Variants in DMRT1 observed in about 807,000 individuals in gnomAD.
DMRT1 encodes the protein doublesex and mab-3 related transcription factor 1, also known as doublesex- and mab-3-related transcription factor 1.
In DMRT1, 7 loss-of-function variants were observed where a neutral mutation model predicts 32.3. The observed-to-expected ratio is 0.22, with a 90% confidence interval of 0.12 to 0.41. The LOEUF (loss-of-function observed/expected upper bound fraction) is 0.41, where lower values mean the gene tolerates loss of function less well. Ranked by LOEUF, DMRT1 falls within the 10% of genes least tolerant of loss-of-function variation. DMRT1 has a pLI of 1.00. For synonymous variants in DMRT1, 278 were observed against 206.1 expected (o/e 1.35, Z -2.99); for missense variants, 625 against 500.5 (o/e 1.25, Z -2.37).
chr9:853,277 T>C (rs1189870177), intron 2 of DMRT1, among the ~76,000 whole-genome samples: 1 of 152,144 alleles, frequency 6.6e-6, no homozygotes, highest in African/African-American at 2.4e-5. Context: ...GTAGTTTGCA[T>C]AGGGGTTTGC....
chr9:923,691 T>C (rs752000685), intron 4 of DMRT1, among the ~76,000 whole-genome samples: 2 of 152,200 alleles, frequency 1.3e-5, no homozygotes, highest in Non-Finnish European at 2.9e-5. Flanking sequence ...CTCAGAGGGC[T>C]GCGTTTGTTA....
Position 968,106 on chromosome 9 carries a change from C to G in DMRT1, c.1089C>G (p.Phe363Leu). Reference sequence around the variant, plus strand: ...AGCCTGCGTCGGAGCCCAGCAGCTTCACAGTCACTCCCGTCATCGAGGAGG... The same window carrying G: ...AGCCTGCGTCGGAGCCCAGCAGCTTGACAGTCACTCCCGTCATCGAGGAGG... ...ECEPASEPSS[F>L]TVTPVIEEDE Residue 363 changes from phenylalanine (F) to leucine (L), a missense_variant, in exon 5 of 5, where the codon TTC (phenylalanine) becomes TTG (leucine). Physicochemically the swap from Phe to Leu is conservative, Grantham distance 22. Coordinates refer to ENST00000382276, the MANE Select transcript of DMRT1 (RefSeq NM_021951.3). 6 of 1,614,164 alleles carry G rather than the reference C, an allele frequency of 3.7e-6. No homozygotes were observed. Among genetic ancestry groups the G allele is most frequent in the Non-Finnish European group, 5.1e-6 (6 of 1,180,048 alleles).
chr9:896,264 ATT>A (rs111767163), intron 3 of DMRT1, among the ~76,000 whole-genome samples: 1 of 123,556 alleles, frequency 8.1e-6, no homozygotes, highest in African/African-American at 3.0e-5. Flanking sequence ...TTAAACTGAG[ATT>A]TTTTTTTTCT....
intron 2 of DMRT1, among the ~76,000 whole-genome samples, chr9:852,010 G>T (rs2132554523): frequency 1.3e-5 from 2 of 150,984 alleles, no homozygotes; most frequent in African/African-American, 4.9e-5. Flanking sequence ...CGCGATCCCA[G>T]CTCACTGCAA....
chr9:900,382 T>G (rs997013091), intron 3 of DMRT1, among the ~76,000 whole-genome samples: 2 of 152,154 alleles, frequency 1.3e-5, no homozygotes, highest in African/African-American at 2.4e-5. Flanking sequence ...CCCCCCTTTT[T>G]TTGTTGTTTT....
chr9:909,135 C>A (rs970933794), intron 3 of DMRT1, among the ~76,000 whole-genome samples: 1 of 152,034 alleles, frequency 6.6e-6, no homozygotes, highest in East Asian at 1.9e-4. Flanking sequence ...AAGGTGAGCG[C>A]AGGAGAGGAA....
intron 3 of DMRT1, among the ~76,000 whole-genome samples, chr9:899,195 A>T (rs1439576216): frequency 6.6e-6 from 1 of 152,212 alleles, no homozygotes; most frequent in East Asian, 1.9e-4. Flanking sequence ...TTAAAAAAGA[A>T]ACAAGAAAAC....
intron 2 of DMRT1, among the ~76,000 whole-genome samples, chr9:849,603 G>T (rs372469243): frequency 7.2e-5 from 11 of 152,204 alleles, no homozygotes; most frequent in African/African-American, 2.4e-4. Flanking sequence ...GAAGCAGTAG[G>T]GGGGCAAGAT....
intron 3 of DMRT1, among the ~76,000 whole-genome samples, chr9:905,474 C>A (rs1885773): frequency 7.5e-5 from 4 of 53,356 alleles, no homozygotes; most frequent in Non-Finnish European, 3.1e-4. Context: ...TCCCTTGCCC[C>A]TGTGTGTGTG....
chr9:898,730 A>T (rs2129654232), intron 3 of DMRT1, among the ~76,000 whole-genome samples: 1 of 152,330 alleles, frequency 6.6e-6, no homozygotes, highest in Admixed American at 6.5e-5. Flanking sequence ...TGGGTCTTCA[A>T]CTACTTTCTT....
At chr9:853,141 T>A (rs1011859750) in intron 2 of DMRT1, among the ~76,000 whole-genome samples, 8 of 152,088 alleles carry the variant, frequency 5.3e-5, no homozygotes, top group Non-Finnish European at 8.8e-5. Flanking sequence ...GTACGGAGAT[T>A]TTTTTTATAT....
rs775752792 is a variant in DMRT1, at chr9:893,967, G to C, written c.594G>C (p.Glu198Asp). 2.5e-6 allele frequency: 4 copies of C among 1,614,160 alleles called. No individual in the cohort carries two copies. The highest frequency in any genetic ancestry group is 1.7e-5 in the Admixed American group (1 of 60,030). Residue 198 changes from glutamate to aspartate, a missense_variant, in exon 3 of 5, where the codon GAG (glutamate) becomes GAC (aspartate). Physicochemically the swap from Glu to Asp is conservative, Grantham distance 45. Transcript: ENST00000382276. ...CTGTCACCAGCAGAGGGCATGTGGA[G>C]AACACACCTGACCTGGTTTCAGACT... The part of the protein sequence containing the change: ...IPAVTSRGHV[E>D]NTPDLVSDST...
intron 2 of DMRT1, among the ~76,000 whole-genome samples, chr9:870,079 A>G (rs751917910): frequency 1.3e-5 from 2 of 152,150 alleles, no homozygotes; most frequent in Non-Finnish European, 2.9e-5. Context: ...TTGGGGGCAA[A>G]TTACTGTGAC....
intron 3 of DMRT1, among the ~76,000 whole-genome samples, chr9:901,616 C>T (rs533739582): frequency 1.4e-3 from 206 of 152,170 alleles, no homozygotes; most frequent in African/African-American, 4.4e-3. Context: ...CGGGAGCCAC[C>T]GCGCCCGGCT....
intron 1 of DMRT1, 55 bp downstream of exon 1, chr9:842,247 T>C (rs1589436407): frequency 6.6e-7 from 1 of 1,504,558 alleles, no homozygotes; most frequent in Non-Finnish European, 8.8e-7. Flanking sequence ...TTTTTTTTTT[T>C]TTTTTTAGAT....
At chr9:945,790 G>A (rs905829775) in intron 4 of DMRT1, among the ~76,000 whole-genome samples, 26 of 147,610 alleles carry the variant, frequency 1.8e-4, no homozygotes, top group Non-Finnish European at 2.1e-4. Flanking sequence ...CAGTGTTATG[G>A]CCTACTTTTC....
intron 1 of DMRT1, 147 bp from the exon 2 acceptor site, chr9:846,813 C>T (rs1268637306): frequency 2.1e-6 from 2 of 963,324 alleles, no homozygotes; most frequent in Admixed American, 1.8e-5. Flanking sequence ...TCATAGTTAC[C>T]TGGGTGGGTT....
chr9:953,357 T>C (rs369741496), intron 4 of DMRT1, among the ~76,000 whole-genome samples: 4 of 152,310 alleles, frequency 2.6e-5, no homozygotes, highest in Non-Finnish European at 4.4e-5. Flanking sequence ...TGGAGTTTAG[T>C]TATACCCATC....
At chr9:865,995 C>G (rs894873312) in intron 2 of DMRT1, among the ~76,000 whole-genome samples, 2 of 151,794 alleles carry the variant, frequency 1.3e-5, no homozygotes, top group African/African-American at 4.8e-5. Context: ...GAAACCCTGT[C>G]TCTACTAAAA....
Sources: allele counts gnomAD v4.1 joint callset (sites outside exome capture counted in the v4.1 genomes callset), GRCh38; gene constraint gnomAD v4.1.1; transcripts MANE v1.5; gene names NCBI Gene and HGNC (gene_info 2026-07-23, HGNC 2026-07-21).